Variants in MZT2B observed in about 807,000 individuals in gnomAD.
MZT2B encodes the protein mitotic spindle organizing protein 2B, also known as mitotic-spindle organizing protein 2B.
MZT2B carries 11 observed loss-of-function variants against 12.1 expected under a neutral mutation model. The ratio of observed to expected loss-of-function variants is 0.91; its 90% CI spans 0.57 to 1.50. MZT2B has a LOEUF of 1.50. MZT2B is among the 40% of genes most tolerant of loss of function. The probability of loss-of-function intolerance (pLI) is 0.00; values close to 1 mark genes in which losing one functional copy is unlikely to be tolerated. For missense variants in MZT2B, 209 were observed against 227.7 expected, an observed-to-expected ratio of 0.92 and a Z score of 0.53; for synonymous variants, 85 against 109.5, an observed-to-expected ratio of 0.78 and a Z score of 1.40.
the MZT2B span, among the ~76,000 whole-genome samples, chr2:130,197,928 A>G: frequency 8.0e-6 from 1 of 124,326 alleles, no homozygotes; most frequent in Non-Finnish European, 1.8e-5. Flanking sequence ...CTTTAGGTGA[A>G]CAAGGCAATG....
At chr2:130,201,614 C>T in the MZT2B span, among the ~76,000 whole-genome samples, 100 of 146,964 alleles carry the variant, frequency 6.8e-4, no homozygotes, top group African/African-American at 1.7e-3. Flanking sequence ...CAGTCCATAG[C>T]CCCCCTTCCT....
chr2:130,196,266 G>A, the MZT2B span: 1 of 1,613,922 alleles, frequency 6.2e-7, no homozygotes, highest in South Asian at 1.1e-5. Context: ...TTATCACTTG[G>A]CATTTGACCA....
At chr2:130,197,155 C>T in the MZT2B span, among the ~76,000 whole-genome samples, 1 of 152,166 alleles carries the variant, frequency 6.6e-6, no homozygotes, top group Non-Finnish European at 1.5e-5. Context: ...TCCCAGACAT[C>T]ATCAGTGCTG....
upstream of MZT2B, chr2:130,181,722 G>A (rs745691204): frequency 3.9e-6 from 6 of 1,549,120 alleles, no homozygotes; most frequent in Non-Finnish European, 4.4e-6. Context: ...AAGAGAAATG[G>A]CGAGGCAGGA....
intron 2 of MZT2B, chr2:130,183,239 A>C (rs1198108555): frequency 3.7e-6 from 1 of 273,536 alleles, no homozygotes; most frequent in Non-Finnish European, 7.1e-6. Context: ...GTCCTGTGGT[A>C]TACAGCATCC....
At chr2:130,190,741 G>GTTTTTTGTTTTTTTTTTTTTTTT (rs1573767798), downstream of MZT2B, 1 of 1,096,302 alleles carries the variant, frequency 9.1e-7, no homozygotes. Flanking sequence ...GTTGTCTACC[G>GTTTTTTGTTTTTTTTTTTTTTTT]TTTTTTTTTT....
chr2:130,186,289 T>C (rs1365721879), intron 2 of MZT2B, among the ~76,000 whole-genome samples: 1 of 151,538 alleles, frequency 6.6e-6, no homozygotes, highest in Non-Finnish European at 1.5e-5. Context: ...TGGATGCCTG[T>C]CCCCCAGCCA....
At chr2:130,191,912 G>C (rs2104745908), downstream of MZT2B, 1 of 1,614,058 alleles carries the variant, frequency 6.2e-7, no homozygotes, top group East Asian at 2.2e-5. Context: ...GAGCTGCCAG[G>C]TCCTCGCGGG....
intron 2 of MZT2B, chr2:130,183,559 C>T (rs1355969942): frequency 4.2e-6 from 3 of 707,872 alleles, no homozygotes; most frequent in Admixed American, 2.1e-5. Flanking sequence ...GCAGCACAAC[C>T]TCCTAGGCCA....
At chr2:130,193,706 A>G, downstream of MZT2B, 1 of 1,533,040 alleles carries the variant, frequency 6.5e-7, no homozygotes, top group Non-Finnish European at 8.8e-7. Context: ...TAGTCTCCCC[A>G]AAGGATGTGG....
upstream of MZT2B, chr2:130,181,709 G>C (rs1481431356): frequency 3.2e-6 from 5 of 1,548,350 alleles, no homozygotes; most frequent in African/African-American, 1.4e-5. Context: ...CGGCCGGGCG[G>C]GGAAGAGAAA....
chr2:130,184,378 A>T, intron 2 of MZT2B: 2 of 985,362 alleles, frequency 2.0e-6, no homozygotes, highest in Non-Finnish European at 2.4e-6. Flanking sequence ...AGAGACTCCC[A>T]CCTTCCCAGA....
At chr2:130,197,586 G>A in the MZT2B span, among the ~76,000 whole-genome samples, 1 of 127,376 alleles carries the variant, frequency 7.9e-6, no homozygotes, top group African/African-American at 2.7e-5. Flanking sequence ...TGGGACTTGG[G>A]AATCTGTTAT....
chr2:130,191,330 G>A (rs1055688281), downstream of MZT2B, among the ~76,000 whole-genome samples: 7 of 151,932 alleles, frequency 4.6e-5, no homozygotes, highest in Admixed American at 1.3e-4. Context: ...GGTCACGAAT[G>A]CTGTGTGGAA....
At chr2:130,196,390 A>G in the MZT2B span, 15 of 1,605,356 alleles carry the variant, frequency 9.3e-6, no homozygotes, top group Non-Finnish European at 1.3e-5. Context: ...CGGAACATAA[A>G]TGTGAACCCA....
the MZT2B span, chr2:130,202,557 C>CT: frequency 1.0e-6 from 1 of 964,204 alleles, no homozygotes; most frequent in Non-Finnish European, 1.4e-6. Context: ...ACTGTCCCTG[C>CT]TGCAAGCAGG....
chr2:130,189,581 C>T (rs968367584), intron 2 of MZT2B, among the ~76,000 whole-genome samples: 6 of 152,142 alleles, frequency 3.9e-5, no homozygotes, highest in Non-Finnish European at 7.4e-5. Flanking sequence ...GGCCAAGGCA[C>T]TCCACATGGG....
the MZT2B span, among the ~76,000 whole-genome samples, chr2:130,200,275 C>A: frequency 5.9e-5 from 9 of 151,954 alleles, no homozygotes; most frequent in African/African-American, 2.2e-4. Flanking sequence ...CCTGTAGTCC[C>A]AGCTACTCTG....
chr2:130,186,748 A>G (rs1169236713), intron 2 of MZT2B, among the ~76,000 whole-genome samples: 3 of 152,120 alleles, frequency 2.0e-5, no homozygotes, highest in Admixed American at 6.5e-5. Flanking sequence ...TCTCTACAAA[A>G]CACAAAAATT....
Sources: allele counts gnomAD v4.1 joint callset (sites outside exome capture counted in the v4.1 genomes callset), GRCh38; gene constraint gnomAD v4.1.1; transcripts MANE v1.5; gene names NCBI Gene and HGNC (gene_info 2026-07-23, HGNC 2026-07-21).